RSU1: variants seen among roughly 807,000 people sequenced by gnomAD.
The protein encoded by RSU1 is Ras suppressor protein 1.
RSU1 carries 26 observed loss-of-function variants against 31.1 expected under a neutral mutation model. The observed-to-expected ratio is 0.84, with a 90% CI of 0.61 to 1.16. The LOEUF (loss-of-function observed/expected upper bound fraction) is 1.16, where lower values mean the gene tolerates loss of function less well. Among genes scored for constraint, RSU1 ranks in the 50% most tolerant of loss-of-function variants. The probability of loss-of-function intolerance (pLI) is 0.00; values close to 1 mark genes in which losing one functional copy is unlikely to be tolerated. For missense variants in RSU1, 320 were observed against 339.1 expected, an observed-to-expected ratio of 0.94 and a Z score of 0.44; for synonymous variants, 164 against 136.3, an observed-to-expected ratio of 1.20 and a Z score of -1.41.
chr10:16,635,512 C>T (rs1353838431), intron 8 of RSU1, among the ~76,000 whole-genome samples: 3 of 152,218 alleles, frequency 2.0e-5, no homozygotes, highest in Non-Finnish European at 4.4e-5. Context: ...TACATTCTGC[C>T]TTTTCCCCTG....
chr10:16,695,161 G>GTT lies in RSU1; in HGVS notation c.599-7_599-6insAA. The GTT allele has an allele frequency of 6.7e-7, 1 of 1,483,248 alleles. No individual in the cohort carries two copies. The highest frequency in any genetic ancestry group is 2.5e-5 in the East Asian group (1 of 40,336). The allele number at this position is 1,483,248 out of a possible 1,614,324, so 91.9% of individuals were successfully genotyped here. A position where few individuals can be genotyped will look rare whatever the true frequency, so the allele number is the denominator to read the frequency against. On this transcript the variant is annotated splice_polypyrimidine_tract_variant and splice_region_variant and intron_variant, in intron 7 of 8. Coordinates refer to ENST00000345264, the MANE Select transcript of RSU1 (RefSeq NM_012425.4). ...GCCAGTTAAATCCAAGTTTCCTGGG[G>GTT]GGGGGGAAAAAAAAAGTGAAGGTCA... is the stretch of plus-strand genomic sequence containing the variant.
chr10:16,610,160 AGTACTAT>A (rs1189294714), intron 8 of RSU1, among the ~76,000 whole-genome samples: 2 of 152,194 alleles, frequency 1.3e-5, no homozygotes, highest in Non-Finnish European at 2.9e-5. Flanking sequence ...TGATTTTTTG[AGTACTAT>A]GTCTTTGAAC....
chr10:16,738,399 C>T (rs769270064), intron 7 of RSU1, among the ~76,000 whole-genome samples: 10 of 151,968 alleles, frequency 6.6e-5, no homozygotes, highest in Admixed American at 1.3e-4. Flanking sequence ...TGCAGTGAGC[C>T]GAGATAGCGC....
intron 8 of RSU1, among the ~76,000 whole-genome samples, chr10:16,601,732 G>A (rs750686393): frequency 2.0e-5 from 3 of 152,172 alleles, no homozygotes; most frequent in Non-Finnish European, 2.9e-5. Context: ...AATCTGGCTC[G>A]CCTAATGTCC....
intron 2 of RSU1, 102 bp downstream of exon 2, chr10:16,816,871 G>C (rs148717886): frequency 1.2e-6 from 1 of 801,032 alleles, no homozygotes; most frequent in African/African-American, 1.7e-5. Flanking sequence ...CAGGGGCTGG[G>C]GTCTAAACCA....
At chr10:16,751,221 G>A (rs369344034) in intron 7 of RSU1, among the ~76,000 whole-genome samples, 5 of 152,082 alleles carry the variant, frequency 3.3e-5, no homozygotes, top group Admixed American at 6.6e-5. Flanking sequence ...TGCAAAAAGC[G>A]TTTCTTGATT....
At chr10:16,742,675 T>C (rs1347288931) in intron 7 of RSU1, among the ~76,000 whole-genome samples, 3 of 152,018 alleles carry the variant, frequency 2.0e-5, no homozygotes, top group African/African-American at 7.3e-5. Flanking sequence ...GCAAAATACA[T>C]TTAGCATCCT....
chr10:16,800,289 T>C (rs769733849), intron 2 of RSU1, among the ~76,000 whole-genome samples: 8 of 152,220 alleles, frequency 5.3e-5, no homozygotes, highest in Non-Finnish European at 1.2e-4. Context: ...GTTATCTGAC[T>C]GCGACTTTAA....
At chr10:16,724,034 G>A (rs1374069268) in intron 7 of RSU1, among the ~76,000 whole-genome samples, 5 of 152,024 alleles carry the variant, frequency 3.3e-5, no homozygotes, top group African/African-American at 7.3e-5. Context: ...TCCATCTCCC[G>A]GGTTCAAGTG....
At chr10:16,650,499 G>GA (rs1834662889) in intron 8 of RSU1, among the ~76,000 whole-genome samples, 1 of 145,992 alleles carries the variant, frequency 6.8e-6, no homozygotes, top group Non-Finnish European at 1.5e-5. Context: ...GACAGGCAAA[G>GA]AAAAGAAAGA....
chr10:16,600,060 A>G (rs1833691188), intron 8 of RSU1, among the ~76,000 whole-genome samples: 1 of 152,210 alleles, frequency 6.6e-6, no homozygotes, highest in Non-Finnish European at 1.5e-5. Flanking sequence ...GAAGTGGGAA[A>G]AAAACGAGAA....
Position 16,769,956 on chromosome 10 carries a change from T to C in RSU1, c.161-5446A>G, listed in dbSNP as rs537060382. Among the ~76,000 whole-genome samples the C allele has an allele frequency of 1.6e-4, 25 of 152,298 alleles. No homozygotes were observed. The East Asian group carries it at 4.6e-3, about 28-fold the overall frequency. The stretch of plus-strand genomic sequence containing the variant: ...ATCACTGTTGCTTAAGACGGACAAC[T>C]TTCCAGAGGAGAAAAGCCTTGAATT... On this transcript the variant is annotated intron_variant, in intron 3 of 8. Transcript: ENST00000345264.
intron 8 of RSU1, among the ~76,000 whole-genome samples, chr10:16,678,459 C>T (rs993056876): frequency 1.3e-5 from 2 of 152,122 alleles, no homozygotes; most frequent in South Asian, 2.1e-4. Context: ...ACTCATTTTA[C>T]GAGGTGATAT....
At chr10:16,750,530 T>C (rs1419481478) in intron 7 of RSU1, among the ~76,000 whole-genome samples, 2 of 152,214 alleles carry the variant, frequency 1.3e-5, no homozygotes, top group African/African-American at 4.8e-5. Context: ...TACATAGGCA[T>C]GCGTAGGTTC....
rs539805885 is a variant in RSU1, at chr10:16,644,324, T to C, written c.731+50699A>G. ...TCTCCACAACAAACATGTTTCTCGATAGTCTGAGGGATCTGAATTTAAACA... is the reference window on the plus strand; with the variant it reads ...TCTCCACAACAAACATGTTTCTCGACAGTCTGAGGGATCTGAATTTAAACA... On this transcript the variant is annotated intron_variant, in intron 8 of 8. Transcript: ENST00000345264. Among the ~76,000 whole-genome samples the C allele has an allele frequency of 5.9e-5, 9 of 152,314 alleles. No individual in the cohort carries two copies. In the East Asian group the frequency reaches 1.3e-3, roughly 23 times the overall value.
intron 2 of RSU1, among the ~76,000 whole-genome samples, chr10:16,804,637 A>G (rs1838227319): frequency 6.6e-6 from 1 of 152,242 alleles, no homozygotes; most frequent in African/African-American, 2.4e-5. Flanking sequence ...TTCACTGCTA[A>G]AAAGAAATGA....
chr10:16,685,573 A>C (rs982129806), intron 8 of RSU1, among the ~76,000 whole-genome samples: 4 of 149,146 alleles, frequency 2.7e-5, no homozygotes, highest in African/African-American at 1.0e-4. Context: ...GGCATTTCTA[A>C]GCTGTCATGG....
intron 7 of RSU1, among the ~76,000 whole-genome samples, chr10:16,725,564 G>A (rs1836376293): frequency 6.6e-6 from 1 of 151,900 alleles, no homozygotes; most frequent in Non-Finnish European, 1.5e-5. Flanking sequence ...CCCTGTGAAA[G>A]GTATTCGGTG....
intron 7 of RSU1, among the ~76,000 whole-genome samples, chr10:16,705,078 G>A (rs1407214575): frequency 6.6e-6 from 1 of 151,942 alleles, no homozygotes; most frequent in Non-Finnish European, 1.5e-5. Context: ...TTATCTCTGT[G>A]ATTTTGACTG....
Sources: allele counts gnomAD v4.1 joint callset (sites outside exome capture counted in the v4.1 genomes callset), GRCh38; gene constraint gnomAD v4.1.1; transcripts MANE v1.5; gene names NCBI Gene and HGNC (gene_info 2026-07-23, HGNC 2026-07-21).